Variants in VAX1 observed in about 807,000 individuals in gnomAD.
VAX1 encodes the protein ventral anterior homeobox 1.
In VAX1, 6 loss-of-function variants were observed where a neutral mutation model predicts 17.6. The observed-to-expected ratio is 0.34, with a 90% CI of 0.19 to 0.67. The LOEUF (loss-of-function observed/expected upper bound fraction) is 0.67. Among genes scored for constraint, VAX1 ranks in the 30% least tolerant of loss-of-function variants. The pLI, the probability that VAX1 is intolerant of heterozygous loss-of-function variation, is 0.69. For synonymous variants in VAX1, 256 were observed against 227.4 expected (o/e 1.13, Z -1.13); for missense variants, 408 against 463.7 (o/e 0.88, Z 1.10).
chr10:117,129,113 A>C (rs1854052417), downstream of VAX1: 1 of 152,286 alleles, frequency 6.6e-6, no homozygotes, highest in African/African-American at 2.4e-5. Flanking sequence ...TTTGTTTAAC[A>C]AACATTCATT....
In VAX1 at chr10:117,134,349, C is replaced by T; in HGVS notation, c.664G>A (p.Ala222Thr). 3 of 1,099,634 alleles carry T rather than the reference C, an allele frequency of 2.7e-6. No homozygotes were observed. Among genetic ancestry groups the T allele is most frequent in the Non-Finnish European group, 3.3e-6 (3 of 904,468 alleles). 68.1% of individuals were successfully genotyped at this position (1,099,634 alleles called of 1,614,324 possible). The change falls in exon 3 of 3, where the codon GCT becomes ACT. Residue 222 changes from alanine (A) to threonine (T), a missense_variant. Physicochemically the swap from Ala to Thr is moderately conservative, Grantham distance 58 (BLOSUM62 0). Coordinates refer to ENST00000369206, the MANE Select transcript of VAX1 (RefSeq NM_001112704.2). The surrounding 1 kb of genome is among the most constrained non-coding windows in gnomAD (Gnocchi z 6.2). ...PSLPALGAGA[A>T]AGSAAAAAAA... ...GCGGCTGCGGCGGCCGAGCCTGCAG[C>T]GGCGCCCGCGCCCAGGGCCGGCAAG... is the stretch of plus-strand genomic sequence containing the variant.
downstream of VAX1, chr10:117,131,944 A>T (rs1854090040): frequency 1.2e-5 from 5 of 416,024 alleles, no homozygotes; most frequent in Non-Finnish European, 2.1e-5. Context: ...ATGCAGCTGG[A>T]AGACTCTAGA....
downstream of VAX1, chr10:117,130,628 AG>A (rs1373352668): frequency 6.6e-6 from 1 of 152,248 alleles, no homozygotes; most frequent in East Asian, 1.9e-4. Flanking sequence ...AGAAGCCTCC[AG>A]GGACCAAGGC....
Position 117,133,681 on chromosome 10 carries a change from T to C in VAX1, c.*327A>G. 9.4e-7 allele frequency: 1 copy of C among 1,062,578 alleles called. No homozygotes were observed. The highest frequency in any genetic ancestry group is 1.1e-6 in the Non-Finnish European group (1 of 881,104). The allele number at this position is 1,062,578 out of a possible 1,614,324, so 65.8% of individuals were successfully genotyped here. ...GAGCAAACGTCCTGTGCTTTGGAGT[T>C]AGAACCAGTCTTTTCCCTCCTGGGC... On this transcript the variant is annotated 3_prime_UTR_variant, in exon 3 of 3. Coordinates refer to ENST00000369206, the MANE Select transcript of VAX1 (RefSeq NM_001112704.2).
Position 117,137,893 on chromosome 10 carries a change from C to T in VAX1, c.164G>A (p.Gly55Asp), listed in dbSNP as rs755587809. The T allele has an allele frequency of 1.2e-6, 2 of 1,613,860 alleles. No homozygotes were observed. Among genetic ancestry groups the T allele is most frequent in the South Asian group, 2.2e-5 (2 of 91,084 alleles). Residue 55 changes from glycine to aspartate, a missense_variant, in exon 1 of 3, where the codon GGC becomes GAC. This residue lies in a region of VAX1 where 133 missense variants were observed against 112.0 expected (regional missense o/e 1.19). Transcript: ENST00000369206. This position sits in a 1 kb window ranked among gnomAD's most constrained non-coding sequence, Gnocchi z 7.4. ...KEPQGAFSAS[G>D]AAEDCNKSKS... is the part of the protein sequence containing the mutation. ...ACTTTTGTTACAATCCTCAGCAGCG[C>T]CCGACGCTGAGAAGGCGCCCTGCGG... is the stretch of plus-strand genomic sequence containing the variant.
Position 117,136,605 on chromosome 10 carries a change from C to T in VAX1, c.296G>A (p.Arg99Gln). 6.2e-7 allele frequency: 1 copy of T among 1,613,572 alleles called. No individual in the cohort carries two copies. The highest frequency in any genetic ancestry group is 8.5e-7 in the Non-Finnish European group (1 of 1,179,854). ...GAAGGACGTGCGCGTCCTCTTAGGCCGGTCCAAGTCCAGGCCCTTGGGCAG... is the reference window on the plus strand; with the variant it reads ...GAAGGACGTGCGCGTCCTCTTAGGCTGGTCCAAGTCCAGGCCCTTGGGCAG... The part of the protein sequence containing the change: ...IILPKGLDLD[R>Q]PKRTRTSFTA... Residue 99 changes from arginine (R) to glutamine (Q), a missense_variant, in exon 2 of 3, where the codon CGG becomes CAG. This residue lies in a region of VAX1 where 75 missense variants were observed against 116.1 expected (regional missense o/e 0.65). Transcript: ENST00000369206. This position sits in a 1 kb window ranked among gnomAD's most constrained non-coding sequence, Gnocchi z 5.0.
chr10:117,132,803 C>T (rs1411848110), downstream of VAX1, among the ~76,000 whole-genome samples: 4 of 152,314 alleles, frequency 2.6e-5, no homozygotes, highest in Admixed American at 2.6e-4. This position sits in a 1 kb window ranked among gnomAD's most constrained non-coding sequence, Gnocchi z 4.9. Context: ...GACTCCGAGA[C>T]TACTGCTAGA....
At position 117,137,498 on chromosome 10, in the gene VAX1, C is replaced by T. The variant is rs1854201811; in HGVS notation, c.241+318G>A. On this transcript the variant is annotated intron_variant, in intron 1 of 2. Coordinates refer to ENST00000369206, the MANE Select transcript of VAX1 (RefSeq NM_001112704.2). The surrounding 1 kb of genome is among the most constrained non-coding windows in gnomAD (Gnocchi z 7.4). ...CGTCCGGCCCTTGGAGCGCGCACACCTCCTCCCGGAGTTTTCTGCTCCTTT... is the reference window on the plus strand; with the variant it reads ...CGTCCGGCCCTTGGAGCGCGCACACTTCCTCCCGGAGTTTTCTGCTCCTTT... Among the ~76,000 whole-genome samples, 1 of 152,234 alleles carries T rather than the reference C, an allele frequency of 6.6e-6. No homozygotes were observed. The highest frequency in any genetic ancestry group is 2.4e-5 in the African/African-American group (1 of 41,474).
At position 117,134,182 on chromosome 10, in the gene VAX1, C is replaced by G; in HGVS notation, c.831G>C (p.Val277=). The change falls in exon 3 of 3, where the codon GTG becomes GTC. Residue 277 remains valine (V), a synonymous_variant. Transcript: ENST00000369206. The surrounding 1 kb of genome is among the most constrained non-coding windows in gnomAD (Gnocchi z 6.2). ...AAGHSLFSLP[V]PSLLGSVASR... Reference sequence around the variant, plus strand: ...TGGCGACGGAGCCGAGCAGCGAGGGCACCGGCAGGCTGAAGAGGCTGTGGC... The same window carrying G: ...TGGCGACGGAGCCGAGCAGCGAGGGGACCGGCAGGCTGAAGAGGCTGTGGC... 1 of 1,519,142 alleles carries G rather than the reference C, an allele frequency of 6.6e-7. No individual in the cohort carries two copies. 94.1% of individuals were successfully genotyped at this position (1,519,142 alleles called of 1,614,324 possible).
Position 117,138,066 on chromosome 10 carries a change from C to T in VAX1, c.-10G>A. ...CTGGTTTCCCGAACATAGGCAAGAA[C>T]AACAACAAAAACAGAAAGGAAAAAA... is the stretch of plus-strand genomic sequence containing the variant. On this transcript the variant is annotated 5_prime_UTR_variant, in exon 1 of 3. Transcript: ENST00000369206. 1 of 1,180,404 alleles carries T rather than the reference C, an allele frequency of 8.5e-7. No homozygotes were observed. The highest frequency in any genetic ancestry group is 1.1e-6 in the Non-Finnish European group (1 of 911,120). 73.1% of individuals were successfully genotyped at this position (1,180,404 alleles called of 1,614,324 possible).
Position 117,136,734 on chromosome 10 carries a change from G to T in VAX1, c.242-75C>A. The T allele has an allele frequency of 6.6e-7, 1 of 1,525,492 alleles. No homozygotes were observed. Among genetic ancestry groups the T allele is most frequent in the Non-Finnish European group, 8.8e-7 (1 of 1,130,914 alleles). 94.5% of individuals were successfully genotyped at this position (1,525,492 alleles called of 1,614,324 possible). A position where few individuals can be genotyped will look rare whatever the true frequency, so the allele number is the denominator to read the frequency against. On this transcript the variant is annotated intron_variant, in intron 1 of 2. Transcript: ENST00000369206. The surrounding 1 kb of genome is among the most constrained non-coding windows in gnomAD (Gnocchi z 5.0). ...CTCCTTGGCCCGAGCTGGATTTGGG[G>T]ACACAGTCCCCAGAAGCGTGCAGTT...
chr10:117,132,012 C>CT, downstream of VAX1: 1 of 567,368 alleles, frequency 1.8e-6, no homozygotes, highest in Non-Finnish European at 3.1e-6. This position sits in a 1 kb window ranked among gnomAD's most constrained non-coding sequence, Gnocchi z 4.9. Flanking sequence ...CCTAAATAAA[C>CT]TAAGAATTAC....
downstream of VAX1, chr10:117,131,197 G>A (rs1854078502): frequency 6.5e-6 from 1 of 153,402 alleles, no homozygotes; most frequent in African/African-American, 2.4e-5. Flanking sequence ...GGAGGAGGGA[G>A]ACAGGGGGAA....
chr10:117,136,733 G>A lies in VAX1; in HGVS notation c.242-74C>T, dbSNP rs1854186605. ...CCTCCTTGGCCCGAGCTGGATTTGG[G>A]GACACAGTCCCCAGAAGCGTGCAGT... On this transcript the variant is annotated intron_variant, in intron 1 of 2. Coordinates refer to ENST00000369206, the MANE Select transcript of VAX1 (RefSeq NM_001112704.2). The surrounding 1 kb of genome is among the most constrained non-coding windows in gnomAD (Gnocchi z 5.0). 6.5e-7 allele frequency: 1 copy of A among 1,527,988 alleles called. No individual in the cohort carries two copies. Among genetic ancestry groups the A allele is most frequent in the Non-Finnish European group, 8.8e-7 (1 of 1,132,406 alleles). 94.7% of individuals were successfully genotyped at this position (1,527,988 alleles called of 1,614,324 possible).
downstream of VAX1, among the ~76,000 whole-genome samples, chr10:117,132,679 C>A (rs562744868): frequency 8.9e-4 from 136 of 152,240 alleles, 3 homozygotes; most frequent in South Asian, 0.027. This position sits in a 1 kb window ranked among gnomAD's most constrained non-coding sequence, Gnocchi z 4.9. Flanking sequence ...CGCCGCTGCG[C>A]AGGGTAAGGA....
chr10:117,131,935 T>C (rs1161178164), downstream of VAX1: 1 of 401,016 alleles, frequency 2.5e-6, no homozygotes. Flanking sequence ...GGCATGAAGA[T>C]GCAGCTGGAA....
rs369158710 is a variant in VAX1, at chr10:117,138,096, C to G, written c.-40G>C. 6 of 352,594 alleles carry G rather than the reference C, an allele frequency of 1.7e-5. No individual in the cohort carries two copies. The highest frequency in any genetic ancestry group is 3.9e-5 in the African/African-American group (1 of 25,594). The allele number at this position is 352,594 out of a possible 1,614,324, so 21.8% of individuals were successfully genotyped here. ...ACAAAAACAGAAAGGAAAAAAAAAG[C>G]AAAAAAAAAAAAAAGGGGGGGGGGC... On this transcript the variant is annotated 5_prime_UTR_variant, in exon 1 of 3. Transcript: ENST00000369206.
In VAX1 at chr10:117,134,344, T is replaced by C. The variant is rs1854139172; in HGVS notation, c.669A>G (p.Ala223=). Residue 223 remains alanine, a synonymous_variant, in exon 3 of 3, where the codon GCA becomes GCG. Transcript: ENST00000369206. This position sits in a 1 kb window ranked among gnomAD's most constrained non-coding sequence, Gnocchi z 6.2. ...CGGCGGCGGCTGCGGCGGCCGAGCC[T>C]GCAGCGGCGCCCGCGCCCAGGGCCG... The part of the protein sequence containing the change: ...SLPALGAGAA[A]GSAAAAAAAA... The C allele has an allele frequency of 3.7e-6, 4 of 1,081,306 alleles. No individual in the cohort carries two copies. The South Asian group carries it at 1.7e-4, about 47-fold the overall frequency. 67.0% of individuals were successfully genotyped at this position (1,081,306 alleles called of 1,614,324 possible).
At position 117,134,732 on chromosome 10, in the gene VAX1, C is replaced by T. The variant is rs1017672062; in HGVS notation, c.430-149G>A. On this transcript the variant is annotated intron_variant, in intron 2 of 2. Transcript: ENST00000369206. The surrounding 1 kb of genome is among the most constrained non-coding windows in gnomAD (Gnocchi z 6.2). ...ACCCAGCAGCCGGAGGGGTCCGGGC[C>T]GGGGCGCTGCTGGGGGAGCTGGCGC... 1 of 795,326 alleles carries T rather than the reference C, an allele frequency of 1.3e-6. No homozygotes were observed. Among genetic ancestry groups the T allele is most frequent in the Non-Finnish European group, 1.8e-6 (1 of 551,628 alleles). 49.3% of individuals were successfully genotyped at this position (795,326 alleles called of 1,614,324 possible).
Sources: gnomAD v4.1 joint callset for allele counts (sites outside exome capture counted in the v4.1 genomes callset) on GRCh38, gnomAD v4.1.1 for gene constraint, gnomAD v4.1.1 regional missense constraint, Gnocchi (gnomAD v3.1) non-coding constraint, MANE v1.5 for transcripts, NCBI Gene and HGNC (gene_info 2026-07-23, HGNC 2026-07-21) for gene names.